DOCK3: variants seen among roughly 807,000 people sequenced by gnomAD.
The protein encoded by DOCK3 is dedicator of cytokinesis protein 3.
In DOCK3, 60 loss-of-function variants were observed where a neutral mutation model predicts 265.6. The observed-to-expected ratio is 0.23, with a 90% CI of 0.18 to 0.28. The LOEUF is 0.28. Ranked by LOEUF, DOCK3 falls within the 10% of genes least tolerant of loss-of-function variation. The probability of loss-of-function intolerance (pLI) is 1.00; values close to 1 mark genes in which losing one functional copy is unlikely to be tolerated. For missense variants in DOCK3, 1,981 were observed against 2,594.3 expected, an observed-to-expected ratio of 0.76 and a Z score of 5.14; for synonymous variants, 881 against 938.0, an observed-to-expected ratio of 0.94 and a Z score of 1.11.
intron 5 of DOCK3, among the ~76,000 whole-genome samples, chr3:50,943,818 A>C (rs2076360069): frequency 6.6e-6 from 1 of 152,136 alleles, no homozygotes. Flanking sequence ...TTTGTGGACT[A>C]GAAGAGGGCT....
At chr3:51,011,740 C>T (rs1365938421) in intron 5 of DOCK3, among the ~76,000 whole-genome samples, 1 of 152,040 alleles carries the variant, frequency 6.6e-6, no homozygotes, top group African/African-American at 2.4e-5. Flanking sequence ...CTGTTTTTTC[C>T]CCATCTTTGT....
At chr3:51,121,836 T>C (rs2084031333) in intron 9 of DOCK3, among the ~76,000 whole-genome samples, 2 of 152,314 alleles carry the variant, frequency 1.3e-5, no homozygotes, top group Admixed American at 6.5e-5. Flanking sequence ...AGTTTGCTAG[T>C]ATCCAATCCA....
chr3:50,679,560 C>G (rs2034241544), intron 1 of DOCK3, among the ~76,000 whole-genome samples: 1 of 152,060 alleles, frequency 6.6e-6, no homozygotes, highest in East Asian at 1.9e-4. Context: ...TGTAAAGATC[C>G]TGTGGTGCAG....
chr3:51,111,901 ACAGT>A (rs1325559368), intron 9 of DOCK3, among the ~76,000 whole-genome samples: 2 of 152,232 alleles, frequency 1.3e-5, no homozygotes, highest in African/African-American at 2.4e-5. Flanking sequence ...AAGGACATGT[ACAGT>A]CACTTTTCAA....
chr3:50,804,900 C>G (rs2043320999), intron 2 of DOCK3, among the ~76,000 whole-genome samples: 1 of 152,038 alleles, frequency 6.6e-6, no homozygotes, highest in Admixed American at 6.5e-5. Flanking sequence ...TTTTGAATTT[C>G]TTATTCAAAT....
At chr3:50,769,437 G>A (rs1252366804) in intron 1 of DOCK3, among the ~76,000 whole-genome samples, 2 of 152,096 alleles carry the variant, frequency 1.3e-5, no homozygotes, top group East Asian at 1.9e-4. Flanking sequence ...CATACTGAAT[G>A]GGGAAAAGCT....
At chr3:51,206,546 A>G (rs531678517) in intron 12 of DOCK3, among the ~76,000 whole-genome samples, 10 of 152,272 alleles carry the variant, frequency 6.6e-5, no homozygotes, top group South Asian at 2.1e-4. Context: ...AAAAGGCAAT[A>G]TTGAACTGAA....
chr3:50,911,070 A>G (rs72937262), intron 4 of DOCK3, among the ~76,000 whole-genome samples: 13,067 of 151,730 alleles, frequency 0.086, 1,239 homozygotes, highest in East Asian at 0.33. Flanking sequence ...ATCCTTTGTC[A>G]CATGAATAGT....
Position 51,228,822 on chromosome 3 carries a change from C to T in DOCK3, c.1809C>T (p.Leu603=), listed in dbSNP as rs771542994. 6.2e-7 allele frequency: 1 copy of T among 1,613,762 alleles called. No homozygotes were observed. The highest frequency in any genetic ancestry group is 2.2e-5 in the East Asian group (1 of 44,892). Residue 603 remains leucine, a synonymous_variant, in exon 18 of 53, where the codon CTC becomes CTT. Coordinates refer to ENST00000266037, the MANE Select transcript of DOCK3 (RefSeq NM_004947.5). The stretch of plus-strand genomic sequence containing the variant: ...CCACTCAGCTCTCCTCTACCAAACT[C>T]ACCCAGAATGGTAGGTGATAATGCC... ...FISTQLSSTK[L]TQNVDLLALL...
intron 3 of DOCK3, among the ~76,000 whole-genome samples, chr3:50,889,536 C>T (rs186819303): frequency 6.7e-6 from 1 of 149,604 alleles, no homozygotes; most frequent in African/African-American, 2.5e-5. Context: ...AAAGTAGAAA[C>T]AGTTTTGGAA....
At chr3:50,786,998 A>G (rs914502316) in intron 2 of DOCK3, 2 of 742,130 alleles carry the variant, frequency 2.7e-6, no homozygotes, top group African/African-American at 1.7e-5. Context: ...CACATGAGCC[A>G]TGGCATAGAA....
At chr3:50,715,281 C>G (rs760861176) in intron 1 of DOCK3, among the ~76,000 whole-genome samples, 1 of 152,104 alleles carries the variant, frequency 6.6e-6, no homozygotes, top group Admixed American at 6.5e-5. Flanking sequence ...GGCGTGGTGG[C>G]GGCTCATGCC....
intron 12 of DOCK3, 119 bp downstream of exon 12, chr3:51,160,821 AT>A: frequency 7.8e-7 from 1 of 1,279,132 alleles, no homozygotes. Context: ...TCACGCCTGT[AT>A]TCCCAACACT....
At chr3:51,364,139 C>A (rs1243261067) in intron 49 of DOCK3, among the ~76,000 whole-genome samples, 1 of 152,240 alleles carries the variant, frequency 6.6e-6, no homozygotes, top group Middle Eastern at 3.2e-3. Context: ...TACATCCTCT[C>A]CAGCACCTGT....
chr3:50,935,105 A>G (rs945988904), intron 5 of DOCK3, among the ~76,000 whole-genome samples: 5 of 152,168 alleles, frequency 3.3e-5, no homozygotes, highest in African/African-American at 9.7e-5. Context: ...CACAACTTGG[A>G]AATGCTAGTG....
intron 12 of DOCK3, among the ~76,000 whole-genome samples, 188 bp from the exon 13 acceptor site, chr3:51,208,586 A>G (rs1336194685): frequency 6.6e-6 from 1 of 152,172 alleles, no homozygotes; most frequent in Non-Finnish European, 1.5e-5. Flanking sequence ...TAGAGTTTCT[A>G]TCCTTTGCCC....
Position 51,229,612 on chromosome 3 carries a change from A to G in DOCK3, c.1917+3A>G, listed in dbSNP as rs757095766. The G allele has an allele frequency of 1.3e-6, 2 of 1,596,952 alleles. No homozygotes were observed. The highest frequency in any genetic ancestry group is 1.1e-5 in the South Asian group (1 of 87,240). On this transcript the variant is annotated splice_donor_region_variant and intron_variant, in intron 19 of 52. Transcript: ENST00000266037. ...TCAGTGGGGAGGAAATTGTTAAGGT[A>G]TGTCTTCCATATAATTTAAACATAC...
At chr3:51,095,876 AG>A (rs2082831975) in intron 9 of DOCK3, among the ~76,000 whole-genome samples, 41 of 137,694 alleles carry the variant, frequency 3.0e-4, no homozygotes, top group African/African-American at 1.1e-3. Context: ...AAAAAAAAAA[AG>A]AATGTTGACT....
chr3:50,972,066 G>A (rs983918277), intron 5 of DOCK3, among the ~76,000 whole-genome samples: 2 of 152,266 alleles, frequency 1.3e-5, no homozygotes, highest in Non-Finnish European at 2.9e-5. Flanking sequence ...GCCAAGAGCT[G>A]TGAAGATATC....
Sources: allele counts gnomAD v4.1 joint callset (sites outside exome capture counted in the v4.1 genomes callset), GRCh38; gene constraint gnomAD v4.1.1; transcripts MANE v1.5; gene names NCBI Gene and HGNC (gene_info 2026-07-23, HGNC 2026-07-21).